Variants in CYRIB observed in about 807,000 individuals in gnomAD.
CYRIB encodes the protein CYFIP related Rac1 interactor B.
A neutral mutation model predicts 44.2 loss-of-function variants in CYRIB; 8 were observed. The observed-to-expected ratio is 0.18, with a 90% CI of 0.11 to 0.33. The LOEUF is 0.33. Ranked by LOEUF, CYRIB falls within the 10% of genes least tolerant of loss-of-function variation. The pLI is 1.00. For synonymous variants in CYRIB, 131 were observed against 127.2 expected, an observed-to-expected ratio of 1.03 and a Z score of -0.20; for missense variants, 185 against 382.8, an observed-to-expected ratio of 0.48 and a Z score of 4.31.
intron 4 of CYRIB, among the ~76,000 whole-genome samples, chr8:129,867,066 A>G (rs1028395897): frequency 3.3e-5 from 5 of 152,236 alleles, no homozygotes; most frequent in African/African-American, 1.2e-4. Flanking sequence ...AGACAGAAGG[A>G]TCGCTTGAGG....
chr8:129,908,878 A>G (rs1218528264), intron 1 of CYRIB, among the ~76,000 whole-genome samples: 1 of 152,232 alleles, frequency 6.6e-6, no homozygotes, highest in Non-Finnish European at 1.5e-5. Flanking sequence ...GATACATATA[A>G]ATCTTAATAC....
intron 1 of CYRIB, among the ~76,000 whole-genome samples, chr8:130,006,609 T>TATATATGTATATATATATACAC (rs1564797896): frequency 9.9e-3 from 69 of 6,994 alleles, no homozygotes; most frequent in South Asian, 0.036. Flanking sequence ...TATATATACA[T>TATATATGTATATATATATACAC]ATATATGTGT....
chr8:129,975,379 C>T (rs754003022), intron 1 of CYRIB, among the ~76,000 whole-genome samples: 3 of 152,224 alleles, frequency 2.0e-5, no homozygotes, highest in Non-Finnish European at 2.9e-5. Context: ...GAATTCCTTA[C>T]AATTCTGTGT....
chr8:129,965,484 C>A (rs945712710), intron 2 of CYRIB, among the ~76,000 whole-genome samples: 1 of 152,078 alleles, frequency 6.6e-6, no homozygotes, highest in Non-Finnish European at 1.5e-5. Flanking sequence ...TAAACAATGG[C>A]GGAGCAATCC....
intron 1 of CYRIB, among the ~76,000 whole-genome samples, chr8:129,910,384 T>C (rs753166268): frequency 3.9e-5 from 6 of 152,104 alleles, no homozygotes; most frequent in South Asian, 2.1e-4. Flanking sequence ...TAGTGCCAAA[T>C]TGCTGTCCAA....
At chr8:129,931,890 T>C (rs1439440774) in intron 1 of CYRIB, among the ~76,000 whole-genome samples, 1 of 152,088 alleles carries the variant, frequency 6.6e-6, no homozygotes, top group African/African-American at 2.4e-5. Flanking sequence ...GCCTCCCAAA[T>C]TGCTGGGATT....
chr8:129,846,706 T>G (rs1378580119), intron 11 of CYRIB, 98 bp downstream of exon 13: 2 of 756,008 alleles, frequency 2.6e-6, no homozygotes, highest in African/African-American at 3.7e-5. Context: ...ACACTTATTT[T>G]TATATCCTAT....
intron 2 of CYRIB, among the ~76,000 whole-genome samples, chr8:129,902,577 T>G (rs1053306711): frequency 6.6e-6 from 1 of 152,016 alleles, no homozygotes; most frequent in Non-Finnish European, 1.5e-5. Flanking sequence ...AGTGCAGTGA[T>G]GCAATCTTGG....
chr8:129,907,716 T>C (rs1008331659), intron 1 of CYRIB, among the ~76,000 whole-genome samples: 8 of 152,136 alleles, frequency 5.3e-5, no homozygotes, highest in African/African-American at 1.9e-4. Context: ...ATGGTACCTA[T>C]GATGGCCTGG....
upstream of CYRIB, among the ~76,000 whole-genome samples, chr8:129,943,239 CAGA>C (rs796067323): frequency 2.0e-5 from 3 of 152,060 alleles, no homozygotes; most frequent in Admixed American, 6.5e-5. Flanking sequence ...CGTTGTAATT[CAGA>C]AGGGTAGAGG....
At chr8:129,855,507 ACAT>A in intron 6 of CYRIB, 101 bp downstream of exon 8, 1 of 1,242,180 alleles carries the variant, frequency 8.1e-7, no homozygotes, top group Non-Finnish European at 1.1e-6. Flanking sequence ...GGTCTAGCAG[ACAT>A]CATTTAAATA....
chr8:129,938,232 C>G (rs1173827701), intron 1 of CYRIB, among the ~76,000 whole-genome samples: 1 of 152,130 alleles, frequency 6.6e-6, no homozygotes. Context: ...TCAAGCAGTT[C>G]TAGACACAAA....
At chr8:129,998,882 C>T (rs974696085) in intron 1 of CYRIB, among the ~76,000 whole-genome samples, 3 of 152,074 alleles carry the variant, frequency 2.0e-5, no homozygotes, top group Admixed American at 6.6e-5. Flanking sequence ...AATATATAAA[C>T]CCCTTTCTGA....
At chr8:129,960,681 G>A (rs1227051291) in intron 2 of CYRIB, among the ~76,000 whole-genome samples, 8 of 140,478 alleles carry the variant, frequency 5.7e-5, no homozygotes, top group Non-Finnish European at 1.2e-4. Flanking sequence ...GCTGGGCATG[G>A]TGGCTCATGC....
intron 1 of CYRIB, among the ~76,000 whole-genome samples, chr8:130,010,634 C>T (rs1250792608): frequency 1.3e-5 from 2 of 152,202 alleles, no homozygotes; most frequent in Non-Finnish European, 2.9e-5. Context: ...TCTCTCCCAC[C>T]CCTTCCTGCT....
intron 2 of CYRIB, among the ~76,000 whole-genome samples, chr8:129,902,677 TAAG>T (rs1281356042): frequency 6.6e-6 from 1 of 152,132 alleles, no homozygotes; most frequent in Non-Finnish European, 1.5e-5. Flanking sequence ...TGTTTATAAC[TAAG>T]AAGAACACGG....
At chr8:129,862,162 T>C in intron 5 of CYRIB, 67 bp downstream of exon 7, 1 of 1,216,488 alleles carries the variant, frequency 8.2e-7, no homozygotes, top group Non-Finnish European at 1.2e-6. Flanking sequence ...AAAAAAACTC[T>C]AAACTTCTGG....
chr8:129,987,801 G>GC (rs2096518425), intron 1 of CYRIB, among the ~76,000 whole-genome samples: 1 of 151,886 alleles, frequency 6.6e-6, no homozygotes, highest in Non-Finnish European at 1.5e-5. Flanking sequence ...CAAACTCCTG[G>GC]CCTCAAGTGA....
chr8:129,856,976 A>G lies in CYRIB; in HGVS notation c.302-1229T>C, dbSNP rs1013733225. On this transcript the variant is annotated intron_variant, in intron 5 of 11. Transcript: ENST00000519824. ...ACCAATTACTTCTGTAACCCTACAAAACATTAATCTACTGATTAAAAACAA... is the reference window on the plus strand; with the variant it reads ...ACCAATTACTTCTGTAACCCTACAAGACATTAATCTACTGATTAAAAACAA... 3.7e-4 allele frequency among the ~76,000 whole-genome samples: 56 copies of G among 152,356 alleles called. 1 individual carries two copies. The highest frequency in any genetic ancestry group is 1.3e-3 in the African/African-American group (54 of 41,582).
Sources: gnomAD v4.1 joint callset for allele counts (sites outside exome capture counted in the v4.1 genomes callset) on GRCh38, gnomAD v4.1.1 for gene constraint, MANE v1.5 for transcripts, NCBI Gene and HGNC (gene_info 2026-07-23, HGNC 2026-07-21) for gene names.